The following GPHN variants were observed in gnomAD, a reference collection of about 807,000 sequenced individuals.
The protein encoded by GPHN is gephyrin.
GPHN carries 17 observed loss-of-function variants against 95.5 expected under a neutral mutation model. That is an observed-to-expected ratio of 0.18 (90% CI 0.12 to 0.27). GPHN has a LOEUF of 0.27. Ranked by LOEUF, GPHN falls within the 10% of genes least tolerant of loss-of-function variation. GPHN has a pLI of 1.00. For missense variants in GPHN, 660 were observed against 978.1 expected (o/e 0.67, Z 4.34); for synonymous variants, 320 against 322.5 (o/e 0.99, Z 0.08).
the GPHN span, among the ~76,000 whole-genome samples, chr14:67,633,669 C>T: frequency 2.6e-5 from 4 of 152,206 alleles, no homozygotes; most frequent in African/African-American, 9.7e-5. Flanking sequence ...TTTGATTTGT[C>T]TTCCTGGCTT....
chr14:67,420,408 G>C, the GPHN span, among the ~76,000 whole-genome samples: 1 of 152,220 alleles, frequency 6.6e-6, no homozygotes, highest in Non-Finnish European at 1.5e-5. Flanking sequence ...ACGTGTGACC[G>C]GTAGCAGGTG....
At chr14:67,139,855 T>G (rs1384249226) in intron 17 of GPHN, among the ~76,000 whole-genome samples, 1 of 152,032 alleles carries the variant, frequency 6.6e-6, no homozygotes, top group Non-Finnish European at 1.5e-5. Flanking sequence ...GGCCCAGCAG[T>G]GACAATGGAC....
chr14:67,105,192 G>GA (rs1219360105), intron 13 of GPHN, among the ~76,000 whole-genome samples: 1 of 151,820 alleles, frequency 6.6e-6, no homozygotes, highest in Non-Finnish European at 1.5e-5. Context: ...ATTGTGGTTG[G>GA]AAAAAAATTC....
At chr14:67,582,816 G>A in the GPHN span, among the ~76,000 whole-genome samples, 10 of 152,084 alleles carry the variant, frequency 6.6e-5, no homozygotes, top group South Asian at 4.1e-4. The surrounding 1 kb of genome is among the most constrained non-coding windows in gnomAD (Gnocchi z 5.0). Context: ...CAGCCTAGGC[G>A]ACAACAGCAA....
the GPHN span, chr14:67,350,778 G>A: frequency 2.4e-6 from 3 of 1,238,032 alleles, no homozygotes; most frequent in African/African-American, 3.0e-5. Flanking sequence ...ATAACCATCA[G>A]TATTTTATGC....
At chr14:66,843,433 T>C (rs1322804534) in intron 4 of GPHN, among the ~76,000 whole-genome samples, 1 of 152,080 alleles carries the variant, frequency 6.6e-6, no homozygotes, top group East Asian at 1.9e-4. Context: ...CTTGTGCCAC[T>C]GAGTTAGACT....
the GPHN span, among the ~76,000 whole-genome samples, chr14:67,228,119 G>A: frequency 0.012 from 1,828 of 150,302 alleles, 19 homozygotes; most frequent in Non-Finnish European, 0.018. Context: ...GCAGTGAGCC[G>A]AGATTGTGCC....
intron 1 of GPHN, among the ~76,000 whole-genome samples, chr14:66,603,957 G>A (rs146415540): frequency 1.0e-3 from 154 of 152,098 alleles, no homozygotes; most frequent in African/African-American, 3.5e-3. Flanking sequence ...AGTTCTTTAT[G>A]TACATTGTCC....
chr14:67,195,758 T>TGTGTGTG, the GPHN span, among the ~76,000 whole-genome samples: 2 of 147,774 alleles, frequency 1.4e-5, no homozygotes, highest in African/African-American at 5.0e-5. Flanking sequence ...TGTGTGTGTG[T>TGTGTGTG]TTTGAGACAG....
At chr14:67,659,562 G>C in the GPHN span, among the ~76,000 whole-genome samples, 1 of 151,342 alleles carries the variant, frequency 6.6e-6, no homozygotes, top group Non-Finnish European at 1.5e-5. Flanking sequence ...AAATAGAGCA[G>C]ATACCAAGGG....
chr14:67,648,267 A>C, the GPHN span: 1 of 1,454,936 alleles, frequency 6.9e-7, no homozygotes, highest in Non-Finnish European at 9.3e-7. Flanking sequence ...CTTTTCTGCT[A>C]TTCCACATCA....
intron 3 of GPHN, chr14:66,823,030 C>T (rs2061258662): frequency 6.6e-6 from 1 of 152,234 alleles, no homozygotes; most frequent in African/African-American, 2.4e-5. Flanking sequence ...GAGACAGAGT[C>T]TCATTCTGTC....
intron 1 of GPHN, among the ~76,000 whole-genome samples, chr14:66,631,856 GT>G (rs2063825989): frequency 6.6e-6 from 1 of 152,056 alleles, no homozygotes; most frequent in Non-Finnish European, 1.5e-5. Context: ...ATTTCCGAAT[GT>G]TTCTAACCCT....
rs1275543542 is a variant in GPHN, at chr14:66,907,394, T to A, written c.390-8609T>A. Among the ~76,000 whole-genome samples the A allele has an allele frequency of 2.0e-5, 3 of 152,172 alleles. No homozygotes were observed. In the East Asian group the frequency reaches 5.8e-4, roughly 29 times the overall value. The stretch of plus-strand genomic sequence containing the variant: ...AAGTAAAATTATAAGAACAGTAAAA[T>A]GATCAGTGTTTGCCCAGAGTTTTTG... On this transcript the variant is annotated intron_variant, in intron 5 of 22. Coordinates refer to ENST00000478722, the MANE Select transcript of GPHN (RefSeq NM_020806.5).
the GPHN span, among the ~76,000 whole-genome samples, chr14:67,492,087 C>A: frequency 1.3e-5 from 2 of 152,180 alleles, no homozygotes; most frequent in Admixed American, 6.5e-5. Context: ...TCTCCCCCTT[C>A]CTCCTCCCCA....
the GPHN span, chr14:67,447,915 C>G: frequency 3.9e-5 from 6 of 152,066 alleles, no homozygotes; most frequent in African/African-American, 1.4e-4. Flanking sequence ...ATTCCTTCCA[C>G]TCTCTACCTT....
chr14:67,086,307 T>C (rs2076879968), intron 11 of GPHN, among the ~76,000 whole-genome samples: 1 of 152,094 alleles, frequency 6.6e-6, no homozygotes, highest in African/African-American at 2.4e-5. Context: ...GGAAGAGCAG[T>C]GGGTAGAGGG....
chr14:67,436,174 G>A, the GPHN span, among the ~76,000 whole-genome samples: 7 of 152,200 alleles, frequency 4.6e-5, no homozygotes, highest in Non-Finnish European at 8.8e-5. Flanking sequence ...ATCTGTGAAT[G>A]TCACAGGATA....
At chr14:67,678,081 T>C in the GPHN span, 1 of 421,532 alleles carries the variant, frequency 2.4e-6, no homozygotes, top group Non-Finnish European at 4.4e-6. Flanking sequence ...GGTCTTCTTA[T>C]CCTATTATGA....
Sources: allele counts gnomAD v4.1 joint callset (sites outside exome capture counted in the v4.1 genomes callset), GRCh38; gene constraint gnomAD v4.1.1; non-coding constraint Gnocchi (gnomAD v3.1); transcripts MANE v1.5; gene names NCBI Gene and HGNC (gene_info 2026-07-23, HGNC 2026-07-21).